ZCCHC2: variants seen among roughly 807,000 people sequenced by gnomAD.
The protein encoded by ZCCHC2 is zinc finger CCHC-type containing 2, also known as zinc finger CCHC domain-containing protein 2.
A neutral mutation model predicts 103.6 loss-of-function variants in ZCCHC2; 39 were observed. The observed-to-expected ratio is 0.38, with a 90% CI of 0.29 to 0.49. The LOEUF is 0.49. ZCCHC2 is among the 20% of genes least tolerant of loss of function. The pLI, the probability that ZCCHC2 is intolerant of heterozygous loss-of-function variation, is 0.96. For synonymous variants in ZCCHC2, 687 were observed against 608.9 expected, an observed-to-expected ratio of 1.13 and a Z score of -1.89; for missense variants, 1,483 against 1,491.0, an observed-to-expected ratio of 0.99 and a Z score of 0.09.
intron 5 of ZCCHC2, chr18:62,551,740 A>G (rs1462853897): frequency 6.5e-6 from 1 of 153,172 alleles, no homozygotes; most frequent in Non-Finnish European, 1.5e-5. Flanking sequence ...TAGGAGGGAC[A>G]TAAATTCAGG....
At chr18:62,556,464 T>G (rs908848075) in intron 6 of ZCCHC2, among the ~76,000 whole-genome samples, 167 bp downstream of exon 6, 2 of 152,216 alleles carry the variant, frequency 1.3e-5, no homozygotes, top group African/African-American at 4.8e-5. Context: ...TTAAAGAAGG[T>G]CATGAATAAA....
At chr18:62,576,165 A>G (rs1290148770) in intron 13 of ZCCHC2, among the ~76,000 whole-genome samples, 1 of 152,232 alleles carries the variant, frequency 6.6e-6, no homozygotes, top group Non-Finnish European at 1.5e-5. Flanking sequence ...GGTCTTACCT[A>G]TGTTTGAGTA....
Position 62,544,822 on chromosome 18 carries a change from A to G in ZCCHC2, c.1149A>G (p.Ser383=). The change falls in exon 4 of 14, where the codon TCA becomes TCG. Residue 383 remains serine, a synonymous_variant. Transcript: ENST00000269499. ...YTFKVNWSDL[S]VTTVTKTHQE... ...ATCAGGTAAATTGGTCTGATCTTTC[A>G]GTCACAACAGTAACAAAAACCCACC... is the stretch of plus-strand genomic sequence containing the variant. 6.5e-7 allele frequency: 1 copy of G among 1,548,808 alleles called. No individual in the cohort carries two copies. The highest frequency in any genetic ancestry group is 8.7e-7 in the Non-Finnish European group (1 of 1,148,498).
chr18:62,524,706 C>T (rs1207814370), intron 1 of ZCCHC2: 3 of 290,006 alleles, frequency 1.0e-5, no homozygotes, highest in Non-Finnish European at 6.4e-6. Context: ...CTCTGAGCAT[C>T]TCAGCGCTCG....
chr18:62,523,442 G>A lies in ZCCHC2; in HGVS notation c.18G>A (p.Leu6=), dbSNP rs1262581429. The A allele has an allele frequency of 9.1e-7, 1 of 1,102,330 alleles. No homozygotes were observed. The highest frequency in any genetic ancestry group is 1.1e-6 in the Non-Finnish European group (1 of 892,578). 68.3% of individuals were successfully genotyped at this position (1,102,330 alleles called of 1,614,324 possible). A position where few individuals can be genotyped will look rare whatever the true frequency, so the allele number is the denominator to read the frequency against. The part of the protein sequence containing the change: MLRMK[L]PLKPTHPAEP... ...AGCCGAGGATGCTGAGGATGAAGCT[G>A]CCGCTGAAGCCAACGCACCCCGCGG... Residue 6 remains leucine (L), a synonymous_variant, in exon 1 of 14, where the codon CTG becomes CTA. Coordinates refer to ENST00000269499, the MANE Select transcript of ZCCHC2 (RefSeq NM_017742.6).
chr18:62,541,027 A>G (rs75543979), intron 2 of ZCCHC2, among the ~76,000 whole-genome samples: 6,220 of 152,282 alleles, frequency 0.041, 417 homozygotes, highest in African/African-American at 0.14. Context: ...GAGGGGACCA[A>G]TGATTTGCAG....
At chr18:62,581,791 AGCGCT>A (rs1295060926), downstream of ZCCHC2, 2 of 63,068 alleles carry the variant, frequency 3.2e-5, no homozygotes, top group East Asian at 8.4e-4. Context: ...ATGGTGTCAC[AGCGCT>A]GTGGAAGGCG....
intron 4 of ZCCHC2, among the ~76,000 whole-genome samples, chr18:62,547,649 C>T (rs1915479025): frequency 6.6e-6 from 1 of 151,700 alleles, no homozygotes; most frequent in African/African-American, 2.4e-5. Context: ...GCAACCTCTG[C>T]CTCCCCAGTT....
At position 62,576,698 on chromosome 18, in the gene ZCCHC2, T is replaced by C. The variant is rs1916857167; in HGVS notation, c.*119T>C. On this transcript the variant is annotated 3_prime_UTR_variant, in exon 14 of 14. Transcript: ENST00000269499. The stretch of plus-strand genomic sequence containing the variant: ...TACATTTCCTAGATTTCTATGCAGT[T>C]GGGATTTTTCATTTCTCTTGTACCA... The C allele has an allele frequency of 2.0e-6, 2 of 994,878 alleles. No homozygotes were observed. The highest frequency in any genetic ancestry group is 2.5e-5 in the Admixed American group (1 of 39,964). 61.6% of individuals were successfully genotyped at this position (994,878 alleles called of 1,614,324 possible). A position where few individuals can be genotyped will look rare whatever the true frequency, so the allele number is the denominator to read the frequency against.
At chr18:62,546,928 T>C (rs1298975741) in intron 4 of ZCCHC2, among the ~76,000 whole-genome samples, 1 of 152,254 alleles carries the variant, frequency 6.6e-6, no homozygotes, top group Non-Finnish European at 1.5e-5. Flanking sequence ...CATGAAATAA[T>C]CTGCAACGTG....
chr18:62,566,656 C>A (rs1480366610), intron 11 of ZCCHC2, among the ~76,000 whole-genome samples: 1 of 152,150 alleles, frequency 6.6e-6, no homozygotes, highest in African/African-American at 2.4e-5. Context: ...ACTGTTTTTT[C>A]GATGTTAGCC....
intron 7 of ZCCHC2, 40 bp downstream of exon 7, chr18:62,558,810 G>T: frequency 7.6e-7 from 1 of 1,310,746 alleles, no homozygotes; most frequent in South Asian, 1.4e-5. Flanking sequence ...TCTGCCTGCT[G>T]ATAGCACATG....
Position 62,523,553 on chromosome 18 carries a change from CCCGCCGCCGCCG to C in ZCCHC2, c.138_149del (p.Pro47_Pro50del), listed in dbSNP as rs563687016. On this transcript the variant is annotated inframe_deletion, in exon 1 of 14. Transcript: ENST00000269499. ...CGCGCCGCCGCCGCGACTGCCGCCCCCCGCCGCCGCCGCCGCCGCCCGCGGGCCCGTCGCGGG... is the reference window on the plus strand; with the variant it reads ...CGCGCCGCCGCCGCGACTGCCGCCCCCCGCCGCCCGCGGGCCCGTCGCGGG... 6 of 931,874 alleles carry C rather than the reference CCCGCCGCCGCCG, an allele frequency of 6.4e-6. No individual in the cohort carries two copies. In the Admixed American group the frequency reaches 3.3e-4, roughly 52 times the overall value. The allele number at this position is 931,874 out of a possible 1,614,324, so 57.7% of individuals were successfully genotyped here. A position where few individuals can be genotyped will look rare whatever the true frequency, so the allele number is the denominator to read the frequency against.
downstream of ZCCHC2, chr18:62,582,038 C>T: frequency 6.5e-6 from 1 of 153,172 alleles, no homozygotes; most frequent in Non-Finnish European, 1.5e-5. Context: ...GGAGATACAG[C>T]CATAGTAAAG....
rs1916908818 is a variant in ZCCHC2, at chr18:62,577,758, AAAAAAAAG to A, written c.*1180_*1187del. The A allele has an allele frequency of 1.3e-5, 2 of 152,538 alleles. No homozygotes were observed. The highest frequency in any genetic ancestry group is 4.8e-5 in the African/African-American group (2 of 41,394). 9.4% of individuals were successfully genotyped at this position (152,538 alleles called of 1,614,324 possible). The stretch of plus-strand genomic sequence containing the variant: ...GTTTAATGCTGCTGTTTTTAAAAAA[AAAAAAAAG>A]TTTTTTTAAAAAGCCAATCTATGTA... On this transcript the variant is annotated 3_prime_UTR_variant, in exon 14 of 14. Transcript: ENST00000269499.
At chr18:62,567,656 C>T (rs937693823) in intron 11 of ZCCHC2, among the ~76,000 whole-genome samples, 1 of 152,076 alleles carries the variant, frequency 6.6e-6, no homozygotes, top group African/African-American at 2.4e-5. Context: ...TAAGAATGCT[C>T]ACCATGGCCA....
At chr18:62,528,438 A>G (rs568192343) in intron 1 of ZCCHC2, among the ~76,000 whole-genome samples, 2 of 152,222 alleles carry the variant, frequency 1.3e-5, no homozygotes, top group South Asian at 2.1e-4. Context: ...ATTAAGAAAA[A>G]TACAAAAAAA....
At chr18:62,557,125 GT>G (rs761942765) in intron 6 of ZCCHC2, among the ~76,000 whole-genome samples, 8 of 152,154 alleles carry the variant, frequency 5.3e-5, no homozygotes, top group Non-Finnish European at 1.0e-4. Flanking sequence ...AGCTTTGCCA[GT>G]TTTTCTTATG....
intron 5 of ZCCHC2, among the ~76,000 whole-genome samples, chr18:62,553,778 T>C (rs1915767156): frequency 6.6e-6 from 1 of 152,234 alleles, no homozygotes; most frequent in Non-Finnish European, 1.5e-5. Flanking sequence ...CGATTTCAGT[T>C]TGTGTTTGAG....
Sources: gnomAD v4.1 joint callset for allele counts (sites outside exome capture counted in the v4.1 genomes callset) on GRCh38, gnomAD v4.1.1 for gene constraint, MANE v1.5 for transcripts, NCBI Gene and HGNC (gene_info 2026-07-23, HGNC 2026-07-21) for gene names.